The following CREM variants were observed in gnomAD, a reference collection of about 807,000 sequenced individuals.
CREM encodes the protein cAMP responsive element modulator, also known as cAMP-responsive element modulator.
In CREM, 13 loss-of-function variants were observed where a neutral mutation model predicts 37.3. That is an observed-to-expected ratio of 0.35 (90% CI 0.23 to 0.55). The LOEUF (loss-of-function observed/expected upper bound fraction) is 0.55, where lower values mean the gene tolerates loss of function less well. CREM is among the 20% of genes least tolerant of loss of function. The pLI, the probability that CREM is intolerant of heterozygous loss-of-function variation, is 0.88. For synonymous variants in CREM, 124 were observed against 120.2 expected (o/e 1.03, Z -0.21); for missense variants, 296 against 362.3 (o/e 0.82, Z 1.49).
chr10:35,131,986 C>T (rs559835861), intron 1 of CREM, among the ~76,000 whole-genome samples: 5 of 151,954 alleles, frequency 3.3e-5, no homozygotes, highest in East Asian at 3.9e-4. Context: ...GAGGCCGAGG[C>T]GGGCAAATCA....
chr10:35,166,085 TAAA>T (rs747572942), intron 3 of CREM, among the ~76,000 whole-genome samples: 1 of 151,474 alleles, frequency 6.6e-6, no homozygotes, highest in African/African-American at 2.4e-5. Context: ...GCGCTATACA[TAAA>T]AAAAAGGATT....
At chr10:35,156,660 A>T (rs1545757) in intron 3 of CREM, among the ~76,000 whole-genome samples, 44,556 of 152,166 alleles carry the variant, frequency 0.29, 7,067 homozygotes, top group South Asian at 0.35. Flanking sequence ...TTTCTGCTTC[A>T]TTGCATAGTT....
intron 5 of CREM, among the ~76,000 whole-genome samples, chr10:35,181,221 C>T (rs1016670354): frequency 2.6e-5 from 4 of 152,274 alleles, no homozygotes; most frequent in African/African-American, 7.2e-5. Context: ...ACTCAATGAT[C>T]AGAGCAAGAA....
chr10:35,130,216 A>AG (rs2089073378), intron 1 of CREM, among the ~76,000 whole-genome samples: 1 of 151,896 alleles, frequency 6.6e-6, no homozygotes, highest in Middle Eastern at 3.2e-3. Flanking sequence ...AAAAAAAAAA[A>AG]AAATTTTTTT....
chr10:35,194,027 G>A (rs1227148953), intron 6 of CREM, among the ~76,000 whole-genome samples: 2 of 148,654 alleles, frequency 1.3e-5, no homozygotes, highest in Non-Finnish European at 3.0e-5. Context: ...AACCCAGGAG[G>A]CGGAGGTTGC....
At chr10:35,138,741 A>G (rs2090992414) in intron 2 of CREM, among the ~76,000 whole-genome samples, 1 of 151,600 alleles carries the variant, frequency 6.6e-6, no homozygotes, top group South Asian at 2.1e-4. Flanking sequence ...AATTTTTTTT[A>G]GGCCGGGTGC....
chr10:35,141,322 G>T (rs1342806925), intron 2 of CREM, among the ~76,000 whole-genome samples: 1 of 152,194 alleles, frequency 6.6e-6, no homozygotes, highest in African/African-American at 2.4e-5. Context: ...TTTAAGCAAA[G>T]AAGTATTTTA....
At chr10:35,182,083 G>A (rs1391316912) in intron 5 of CREM, among the ~76,000 whole-genome samples, 1 of 152,254 alleles carries the variant, frequency 6.6e-6, no homozygotes, top group Admixed American at 6.5e-5. Context: ...ATGCATTTTG[G>A]GGACATTTAG....
At chr10:35,197,310 C>T (rs1348764133) in intron 6 of CREM, among the ~76,000 whole-genome samples, 4 of 151,992 alleles carry the variant, frequency 2.6e-5, no homozygotes, top group Admixed American at 1.3e-4. Context: ...AACACTTTTT[C>T]ACAAGACCTG....
intron 5 of CREM, among the ~76,000 whole-genome samples, chr10:35,187,169 ATTAATATT>A (rs1185502591): frequency 5.4e-3 from 235 of 43,268 alleles, no homozygotes; most frequent in Non-Finnish European, 8.9e-3. Flanking sequence ...TATATTATAT[ATTAATATT>A]AATATATAAA....
chr10:35,207,198 C>CT, intron 7 of CREM, 147 bp downstream of exon 7: 1 of 756,594 alleles, frequency 1.3e-6, no homozygotes, highest in Non-Finnish European at 2.0e-6. Context: ...CAAGACCATC[C>CT]TGGCTAACAC....
chr10:35,191,609 C>T (rs956056421), intron 6 of CREM, among the ~76,000 whole-genome samples: 8 of 152,116 alleles, frequency 5.3e-5, no homozygotes, highest in African/African-American at 1.9e-4. Flanking sequence ...CCTGTCTTGG[C>T]TGATGCCTCA....
chr10:35,204,469 G>A lies in CREM; in HGVS notation c.599-2426G>A, dbSNP rs571707611. Reference sequence around the variant, plus strand: ...ACAAAAATTAGCTGGGCATGATGGCGCGTGCCTGTAATCCCAGCTACTCGG... The same window carrying A: ...ACAAAAATTAGCTGGGCATGATGGCACGTGCCTGTAATCCCAGCTACTCGG... On this transcript the variant is annotated intron_variant, in intron 6 of 7. Coordinates refer to ENST00000685392, the MANE Select transcript of CREM (RefSeq NM_183011.2). Among the ~76,000 whole-genome samples, 16 of 152,044 alleles carry A rather than the reference G, an allele frequency of 1.1e-4. No homozygotes were observed. The South Asian group carries it at 2.9e-3, about 28-fold the overall frequency.
At chr10:35,160,722 T>C (rs1021515119) in intron 3 of CREM, among the ~76,000 whole-genome samples, 2 of 152,246 alleles carry the variant, frequency 1.3e-5, no homozygotes, top group African/African-American at 4.8e-5. Context: ...CACAAACATA[T>C]TACACAGCTG....
intron 5 of CREM, 107 bp from the exon 6 acceptor site, chr10:35,188,093 A>G (rs1259204991): frequency 4.5e-6 from 5 of 1,109,174 alleles, no homozygotes; most frequent in Non-Finnish European, 5.0e-6. Context: ...GGGTAACCTG[A>G]GAAAGAAGCA....
chr10:35,187,102 T>C (rs2094627710), intron 5 of CREM, among the ~76,000 whole-genome samples: 1 of 75,368 alleles, frequency 1.3e-5, no homozygotes, highest in African/African-American at 5.7e-5. Flanking sequence ...ATATATATGA[T>C]ATATATTATA....
chr10:35,155,188 G>A (rs1041221144), intron 3 of CREM, among the ~76,000 whole-genome samples: 1 of 152,110 alleles, frequency 6.6e-6, no homozygotes, highest in African/African-American at 2.4e-5. Flanking sequence ...TTTGTAATTT[G>A]TAATGATTAT....
chr10:35,178,928 G>T lies in CREM; in HGVS notation c.208G>T (p.Glu70Ter). ...IAETDESAES[E>*]GVIDSHKRRE... ...AGAGACAGATGAATCTGCAGAATCA[G>T]AAGGTGTAATTGATTCTCATAAACG... The change falls in exon 4 of 8, where the codon GAA (glutamate) becomes TAA (stop). Residue 70 changes from glutamate to a stop codon, truncating the protein, a stop_gained. Transcript: ENST00000685392. LOFTEE classifies it high-confidence loss of function. 1 of 1,613,672 alleles carries T rather than the reference G, an allele frequency of 6.2e-7. No homozygotes were observed. Among genetic ancestry groups the T allele is most frequent in the Non-Finnish European group, 8.5e-7 (1 of 1,179,838 alleles).
chr10:35,212,788 A>T lies in CREM; in HGVS notation c.*1390A>T, dbSNP rs1468836937. ...CCACAGGAATTTTAAAAACAAAAAC[A>T]TCCCAAGATTTTTTCATTTCAAAAT... On this transcript the variant is annotated 3_prime_UTR_variant, in exon 8 of 8. Coordinates refer to ENST00000685392, the MANE Select transcript of CREM (RefSeq NM_183011.2). 1 of 152,668 alleles carries T rather than the reference A, an allele frequency of 6.6e-6. No individual in the cohort carries two copies. Among genetic ancestry groups the T allele is most frequent in the African/African-American group, 2.4e-5 (1 of 41,416 alleles). The allele number at this position is 152,668 out of a possible 1,614,324, so 9.5% of individuals were successfully genotyped here.
Sources: gnomAD v4.1 joint callset for allele counts (sites outside exome capture counted in the v4.1 genomes callset) on GRCh38, gnomAD v4.1.1 for gene constraint, MANE v1.5 for transcripts, NCBI Gene and HGNC (gene_info 2026-07-23, HGNC 2026-07-21) for gene names.